The following TXNDC16 variants were observed in gnomAD, a reference collection of about 807,000 sequenced individuals.
The protein encoded by TXNDC16 is thioredoxin domain containing 16, also known as thioredoxin domain-containing protein 16.
In TXNDC16, 74 loss-of-function variants were observed where a neutral mutation model predicts 85.6. The ratio of observed to expected loss-of-function variants is 0.86; its 90% CI spans 0.72 to 1.05. The LOEUF is 1.05. Ranked by LOEUF, TXNDC16 falls within the 50% of genes least tolerant of loss-of-function variation. TXNDC16 has a pLI of 0.00. For synonymous variants in TXNDC16, 335 were observed against 326.5 expected (o/e 1.03, Z -0.28); for missense variants, 959 against 947.0 (o/e 1.01, Z -0.17).
intron 12 of TXNDC16, among the ~76,000 whole-genome samples, chr14:52,487,506 G>A (rs2036298540): frequency 1.3e-5 from 2 of 152,136 alleles, no homozygotes; most frequent in African/African-American, 4.8e-5. Flanking sequence ...GACTAGCAGA[G>A]AAGAGAAAAA....
chr14:52,498,604 T>C (rs1223043776), intron 9 of TXNDC16, among the ~76,000 whole-genome samples: 2 of 151,992 alleles, frequency 1.3e-5, no homozygotes, highest in East Asian at 1.9e-4. Context: ...TTGGAATAAA[T>C]TGAACAAAGG....
At chr14:52,443,084 G>A (rs1016352985) in intron 18 of TXNDC16, among the ~76,000 whole-genome samples, 6 of 152,124 alleles carry the variant, frequency 3.9e-5, no homozygotes, top group African/African-American at 9.7e-5. Flanking sequence ...GTCTATGAGG[G>A]TGTTGTCAAA....
intron 1 of TXNDC16, among the ~76,000 whole-genome samples, chr14:52,551,816 A>C (rs1169844223): frequency 1.3e-5 from 2 of 152,188 alleles, no homozygotes; most frequent in Non-Finnish European, 2.9e-5. Flanking sequence ...GCTTCGATAC[A>C]TGTGGAATTT....
At chr14:52,523,089 A>T (rs1312792641) in intron 6 of TXNDC16, among the ~76,000 whole-genome samples, 1 of 152,218 alleles carries the variant, frequency 6.6e-6, no homozygotes, top group Non-Finnish European at 1.5e-5. Context: ...TCAGAATATG[A>T]GGATCCATTC....
chr14:52,434,275 C>T (rs2034976653), intron 20 of TXNDC16, among the ~76,000 whole-genome samples: 1 of 152,288 alleles, frequency 6.6e-6, no homozygotes, highest in African/African-American at 2.4e-5. Flanking sequence ...AACACTGCGG[C>T]CTAGCGGTCT....
intron 14 of TXNDC16, among the ~76,000 whole-genome samples, chr14:52,473,625 T>C (rs1434253682): frequency 3.9e-5 from 6 of 152,214 alleles, no homozygotes; most frequent in East Asian, 1.9e-4. Flanking sequence ...CATGTTTCAG[T>C]TGGAATAGTC....
At position 52,548,969 on chromosome 14, in the gene TXNDC16, C is replaced by T. The variant is rs181719049; in HGVS notation, c.-182+3347G>A. On this transcript the variant is annotated intron_variant, in intron 1 of 20. Transcript: ENST00000281741. ...ATAACCCAGTCTAGCACTATTAGTA[C>T]ACCTGGTCTTAGTAACGGGTAAAGG... Among the ~76,000 whole-genome samples the T allele has an allele frequency of 2.0e-3, 308 of 152,308 alleles. 2 individuals carry two copies. Among genetic ancestry groups the T allele is most frequent in the African/African-American group, 7.3e-3 (303 of 41,558 alleles).
At chr14:52,437,879 G>A (rs749309857) in intron 20 of TXNDC16, among the ~76,000 whole-genome samples, 3 of 152,150 alleles carry the variant, frequency 2.0e-5, no homozygotes, top group Non-Finnish European at 4.4e-5. Flanking sequence ...CCTCACCCCA[G>A]TTAAAATGGC....
At chr14:52,510,511 C>T (rs1253294741) in intron 9 of TXNDC16, among the ~76,000 whole-genome samples, 3 of 152,306 alleles carry the variant, frequency 2.0e-5, no homozygotes, top group Admixed American at 1.3e-4. Context: ...TAACTCTACA[C>T]ATCCATATGA....
chr14:52,536,553 T>C (rs2037704925), intron 6 of TXNDC16, among the ~76,000 whole-genome samples, 166 bp downstream of exon 6: 1 of 152,206 alleles, frequency 6.6e-6, no homozygotes, highest in African/African-American at 2.4e-5. Context: ...ATTAAAAAAT[T>C]TTTTAGATCC....
intron 6 of TXNDC16, among the ~76,000 whole-genome samples, chr14:52,534,648 A>G (rs1350512431): frequency 1.3e-5 from 2 of 152,000 alleles, no homozygotes; most frequent in African/African-American, 2.4e-5. Flanking sequence ...ATCCACCCTC[A>G]TTCTAGACAT....
intron 16 of TXNDC16, among the ~76,000 whole-genome samples, chr14:52,466,236 T>C (rs1448258404): frequency 1.3e-5 from 2 of 150,534 alleles, no homozygotes; most frequent in Non-Finnish European, 3.0e-5. Context: ...CTACTAAAAA[T>C]ACAAAAAGTA....
At chr14:52,506,851 C>T (rs1244896751) in intron 9 of TXNDC16, among the ~76,000 whole-genome samples, 3 of 148,840 alleles carry the variant, frequency 2.0e-5, no homozygotes, top group Non-Finnish European at 4.4e-5. Flanking sequence ...CCACCGCACC[C>T]GGCCTTCAAC....
intron 7 of TXNDC16, 28 bp downstream of exon 7, chr14:52,519,144 A>C: frequency 6.3e-7 from 1 of 1,598,746 alleles, no homozygotes. Context: ...GAGGCACAGC[A>C]AAGATTAAAG....
At chr14:52,528,925 A>C (rs193084532) in intron 6 of TXNDC16, among the ~76,000 whole-genome samples, 4 of 147,562 alleles carry the variant, frequency 2.7e-5, no homozygotes, top group Admixed American at 1.4e-4. Context: ...AATACCTATT[A>C]TATATTGTCT....
chr14:52,455,450 A>G lies in TXNDC16; in HGVS notation c.1716T>C (p.Tyr572=). 3 of 1,613,960 alleles carry G rather than the reference A, an allele frequency of 1.9e-6. No individual in the cohort carries two copies. The highest frequency in any genetic ancestry group is 2.5e-6 in the Non-Finnish European group (3 of 1,179,904). ...EEDVLLLSTK[Y]AASLPALLLA... is the part of the protein sequence containing the mutation. ...GCAGCAGGGCTGGAAGACTTGCAGC[A>G]TATTTGGTTGACCTATGGAGAAAGG... The change falls in exon 18 of 21, where the codon TAT becomes TAC. Residue 572 remains tyrosine (Y), a synonymous_variant. Transcript: ENST00000281741.
intron 18 of TXNDC16, among the ~76,000 whole-genome samples, chr14:52,444,485 T>C (rs2035235374): frequency 6.6e-6 from 1 of 152,130 alleles, no homozygotes; most frequent in African/African-American, 2.4e-5. Context: ...TCCTTCCTCA[T>C]CCAGATGAAG....
intron 18 of TXNDC16, among the ~76,000 whole-genome samples, chr14:52,451,407 C>T (rs777870921): frequency 3.8e-4 from 58 of 151,994 alleles, no homozygotes; most frequent in Non-Finnish European, 6.3e-4. Flanking sequence ...AAACAACAGG[C>T]CAATATCATT....
chr14:52,504,877 T>C (rs1251243027), intron 9 of TXNDC16, among the ~76,000 whole-genome samples: 2 of 151,982 alleles, frequency 1.3e-5, no homozygotes, highest in Admixed American at 6.6e-5. Context: ...TGGAGGAAGA[T>C]CTACCAAGCA....
Sources: allele counts gnomAD v4.1 joint callset (sites outside exome capture counted in the v4.1 genomes callset), GRCh38; gene constraint gnomAD v4.1.1; transcripts MANE v1.5; gene names NCBI Gene and HGNC (gene_info 2026-07-23, HGNC 2026-07-21).